The following GLYATL2 variants were observed in gnomAD, a reference collection of about 807,000 sequenced individuals.
GLYATL2 encodes the protein glycine-N-acyltransferase like 2.
In GLYATL2, 25 loss-of-function variants were observed where a neutral mutation model predicts 21.4. The ratio of observed to expected loss-of-function variants is 1.17; its 90% CI spans 0.85 to 1.63. GLYATL2 has a LOEUF of 1.63. Ranked by LOEUF, GLYATL2 falls within the 40% of genes most tolerant of loss-of-function variation. The pLI is 0.00. For missense variants in GLYATL2, 361 were observed against 343.3 expected (o/e 1.05, Z -0.41); for synonymous variants, 114 against 118.2 (o/e 0.96, Z 0.23).
chr11:58,847,840 T>C (rs61889909), upstream of GLYATL2, among the ~76,000 whole-genome samples: 18,273 of 152,090 alleles, frequency 0.12, 1,197 homozygotes, highest in South Asian at 0.16. Context: ...TAAGTGAACA[T>C]AGGCAGTAGC....
rs1474294942 is a variant in GLYATL2 at position 58,834,727 on chromosome 11, A to G, written c.587T>C (p.Leu196Pro). The part of the protein sequence containing the change: ...ERSLKYIERC[L>P]QDFLGFGVLG... ...CACACCAAATCCTAGAAAATCCTGG[A>G]GGCAGCGTTCAATATATTTCAAGCT... is the stretch of plus-strand genomic sequence containing the variant. The change falls in exon 6 of 6, where the codon CTC becomes CCC. Residue 196 changes from leucine to proline, a missense_variant. Transcript: ENST00000287275. 2.2e-5 allele frequency: 35 copies of G among 1,613,760 alleles called. No homozygotes were observed. The highest frequency in any genetic ancestry group is 2.8e-5 in the Non-Finnish European group (33 of 1,180,016).
intron 1 of GLYATL2, among the ~76,000 whole-genome samples, chr11:58,877,127 C>A (rs1413450099): frequency 1.3e-5 from 2 of 152,198 alleles, no homozygotes; most frequent in African/African-American, 4.8e-5. Flanking sequence ...GTTTGATAAG[C>A]CTGTTGGAAA....
intron 2 of GLYATL2, among the ~76,000 whole-genome samples, chr11:58,839,066 T>C (rs1853495809): frequency 6.6e-6 from 1 of 152,122 alleles, no homozygotes; most frequent in African/African-American, 2.4e-5. Flanking sequence ...TCAATATTTG[T>C]AGCAAGTGGT....
chr11:58,852,667 G>A (rs941142206), intron 1 of GLYATL2, among the ~76,000 whole-genome samples: 1 of 152,214 alleles, frequency 6.6e-6, no homozygotes, highest in Non-Finnish European at 1.5e-5. Flanking sequence ...TCTCAAGTGA[G>A]ATGTACAGAC....
intron 1 of GLYATL2, among the ~76,000 whole-genome samples, chr11:58,901,893 T>A (rs1854746451): frequency 6.6e-6 from 1 of 152,168 alleles, no homozygotes; most frequent in African/African-American, 2.4e-5. Flanking sequence ...TGTATGAGGA[T>A]GGAAGTGAAG....
At chr11:58,894,256 G>A (rs919199518) in intron 1 of GLYATL2, among the ~76,000 whole-genome samples, 1 of 152,168 alleles carries the variant, frequency 6.6e-6, no homozygotes, top group African/African-American at 2.4e-5. Context: ...TGGAGAGTGA[G>A]TAGGAGTGAG....
At chr11:58,869,003 AAGTG>A (rs1451214977) in intron 1 of GLYATL2, among the ~76,000 whole-genome samples, 1 of 129,718 alleles carries the variant, frequency 7.7e-6, no homozygotes, top group African/African-American at 2.5e-5. Flanking sequence ...GTGTCCAGGC[AAGTG>A]AGTGTCTTTT....
chr11:58,838,850 A>G (rs1420666470), intron 2 of GLYATL2, among the ~76,000 whole-genome samples: 1 of 152,122 alleles, frequency 6.6e-6, no homozygotes, highest in Non-Finnish European at 1.5e-5. Context: ...TAGGATCCCA[A>G]GGAGGAAAAG....
At chr11:58,866,072 A>G (rs1181318609) in intron 1 of GLYATL2, among the ~76,000 whole-genome samples, 1 of 148,310 alleles carries the variant, frequency 6.7e-6, no homozygotes, top group Admixed American at 7.0e-5. Flanking sequence ...ACCATATACC[A>G]CTTCCTGATT....
In GLYATL2 at chr11:58,868,110, C is replaced by G. The variant is rs1341628817; in HGVS notation, n.61-29742G>C. ...TGGGAGAGGAAGCCATTCTCCTGGC[C>G]AAAGTCCTGATACAGAGTTTGCCAG... On this transcript the variant is annotated intron_variant and non_coding_transcript_variant, in intron 1 of 4. Coordinates refer to the GLYATL2 transcript ENST00000533636. Among the ~76,000 whole-genome samples the G allele has an allele frequency of 2.7e-5, 4 of 148,742 alleles. No homozygotes were observed. In the South Asian group the frequency reaches 8.6e-4, roughly 32 times the overall value.
chr11:58,851,763 G>A (rs1479870200), intron 1 of GLYATL2, among the ~76,000 whole-genome samples: 1 of 152,154 alleles, frequency 6.6e-6, no homozygotes, highest in Non-Finnish European at 1.5e-5. Context: ...CATAAGTAAT[G>A]TTAAAGAGTT....
chr11:58,841,241 T>C (rs1853546142), intron 1 of GLYATL2, among the ~76,000 whole-genome samples: 1 of 152,170 alleles, frequency 6.6e-6, no homozygotes, highest in Admixed American at 6.6e-5. Context: ...TGTAAGTGTA[T>C]AGCCATAATC....
rs938720895 is a variant in GLYATL2, at chr11:58,834,937, C to T, written c.477-100G>A. On this transcript the variant is annotated intron_variant, in intron 5 of 5. Transcript: ENST00000287275. ...ACCATTCCTTTCCTTAAGGACCCTA[C>T]AGCCTGGAGGAGGCAATAGATGCAT... The T allele has an allele frequency of 2.7e-5, 23 of 850,526 alleles. No homozygotes were observed. In the African/African-American group the frequency reaches 4.0e-4, roughly 15 times the overall value. 52.7% of individuals were successfully genotyped at this position (850,526 alleles called of 1,614,324 possible).
intron 1 of GLYATL2, among the ~76,000 whole-genome samples, chr11:58,843,387 G>C (rs1345674151): frequency 1.3e-5 from 2 of 152,106 alleles, no homozygotes; most frequent in African/African-American, 4.8e-5. Context: ...AATTAGCAAG[G>C]ACTAGCAAGC....
At chr11:58,837,204 A>T (rs1188193467) in intron 4 of GLYATL2, 27 bp from the exon 5 acceptor site, 1 of 1,612,980 alleles carries the variant, frequency 6.2e-7, no homozygotes, top group East Asian at 2.2e-5. Flanking sequence ...GACAAGTACC[A>T]CTTTATGCCT....
At chr11:58,875,723 T>G (rs1479632383) in intron 1 of GLYATL2, among the ~76,000 whole-genome samples, 1 of 152,224 alleles carries the variant, frequency 6.6e-6, no homozygotes, top group South Asian at 2.1e-4. Flanking sequence ...GCCCTCAACA[T>G]TTTTTCCTTC....
At chr11:58,838,899 T>C (rs935427199) in intron 2 of GLYATL2, among the ~76,000 whole-genome samples, 2 of 152,112 alleles carry the variant, frequency 1.3e-5, no homozygotes, top group Non-Finnish European at 2.9e-5. Flanking sequence ...ACTTACAATA[T>C]CAGAAGCAAT....
intron 1 of GLYATL2, chr11:58,904,079 AT>A (rs1298937977): frequency 1.3e-5 from 2 of 152,164 alleles, no homozygotes; most frequent in Admixed American, 1.3e-4. Flanking sequence ...GGAAAACCCC[AT>A]TCACAAGCCA....
intron 5 of GLYATL2, 139 bp downstream of exon 5, chr11:58,836,876 A>G (rs1014144410): frequency 1.3e-6 from 1 of 748,076 alleles, no homozygotes; most frequent in Non-Finnish European, 2.3e-6. Context: ...CACAGTTGCT[A>G]ACATAACTCC....
Sources: gnomAD v4.1 joint callset for allele counts (sites outside exome capture counted in the v4.1 genomes callset) on GRCh38, gnomAD v4.1.1 for gene constraint, MANE v1.5 for transcripts, NCBI Gene and HGNC (gene_info 2026-07-23, HGNC 2026-07-21) for gene names.